Variants in BST1 observed in about 807,000 individuals in gnomAD.
The protein encoded by BST1 is ADP-ribosyl cyclase/cyclic ADP-ribose hydrolase 2.
Under a neutral mutation model 40.6 loss-of-function variants are expected in BST1, and 49 were observed. The observed-to-expected ratio is 1.21, with a 90% CI of 0.96 to 1.53. The LOEUF (loss-of-function observed/expected upper bound fraction) is 1.53, where lower values mean the gene tolerates loss of function less well. Among genes scored for constraint, BST1 ranks in the 40% most tolerant of loss-of-function variants. The pLI, the probability that BST1 is intolerant of heterozygous loss-of-function variation, is 0.00. For synonymous variants in BST1, 157 were observed against 159.3 expected (o/e 0.99, Z 0.11); for missense variants, 423 against 395.9 (o/e 1.07, Z -0.58).
At chr4:15,754,625 A>T in the BST1 span, among the ~76,000 whole-genome samples, 428 of 152,344 alleles carry the variant, frequency 2.8e-3, 4 homozygotes, top group African/African-American at 9.8e-3. Context: ...CAACTGATGA[A>T]GTATTTGATA....
At chr4:15,751,527 T>C in the BST1 span, among the ~76,000 whole-genome samples, 2 of 152,282 alleles carry the variant, frequency 1.3e-5, no homozygotes, top group African/African-American at 2.4e-5. Flanking sequence ...GCTGGGAAGA[T>C]TCAATACTCT....
At chr4:15,748,920 GCAGTAATTGAAATGCCACAGCACAC>G in the BST1 span, among the ~76,000 whole-genome samples, 1 of 152,196 alleles carries the variant, frequency 6.6e-6, no homozygotes, top group East Asian at 1.9e-4. Flanking sequence ...TGCAAGAGTC[GCAGTAATTGAAATGCCACAGCACAC>G]CAGAGGAAGG....
At chr4:15,720,759 C>G (rs1352035117) in intron 7 of BST1, among the ~76,000 whole-genome samples, 3 of 152,020 alleles carry the variant, frequency 2.0e-5, no homozygotes, top group African/African-American at 7.2e-5. Flanking sequence ...CCACTGCACT[C>G]TAGCCTGGGT....
intron 2 of BST1, among the ~76,000 whole-genome samples, chr4:15,705,874 A>G (rs1168797728): frequency 1.3e-5 from 2 of 152,240 alleles, no homozygotes; most frequent in Non-Finnish European, 2.9e-5. Flanking sequence ...TTTACAAAGA[A>G]AAGAGGTTTA....
intron 4 of BST1, among the ~76,000 whole-genome samples, chr4:15,713,668 A>T (rs1328986987): frequency 6.6e-6 from 1 of 152,128 alleles, no homozygotes; most frequent in East Asian, 1.9e-4. Context: ...CCACGACGTT[A>T]TACAGCCTTA....
rs1560289602 is a variant in BST1, at chr4:15,732,684, T to C, written c.*839T>C. ...GTAATATTTACATATTTACTGAAAC[T>C]GTTTGGAACTTGTATTAGTTTGTTC... On this transcript the variant is annotated 3_prime_UTR_variant, in exon 9 of 9. Transcript: ENST00000265016. 1 of 152,222 alleles carries C rather than the reference T, an allele frequency of 6.6e-6. No individual in the cohort carries two copies. The highest frequency in any genetic ancestry group is 1.5e-5 in the Non-Finnish European group (1 of 68,042). The allele number at this position is 152,222 out of a possible 1,614,324, so 9.4% of individuals were successfully genotyped here.
At chr4:15,761,075 G>A in the BST1 span, among the ~76,000 whole-genome samples, 12 of 151,456 alleles carry the variant, frequency 7.9e-5, no homozygotes, top group Admixed American at 2.0e-4. Flanking sequence ...ACAGAGTTTC[G>A]CTCTTGTTGC....
the BST1 span, among the ~76,000 whole-genome samples, chr4:15,751,490 G>A: frequency 6.6e-6 from 1 of 152,044 alleles, no homozygotes; most frequent in African/African-American, 2.4e-5. Context: ...TCAAAAGAAA[G>A]GTAGCATTGG....
chr4:15,735,383 C>G (rs759453313), downstream of BST1, among the ~76,000 whole-genome samples: 33 of 152,098 alleles, frequency 2.2e-4, no homozygotes, highest in Admixed American at 1.7e-3. Flanking sequence ...AGACCTTCCA[C>G]GTGTGAATGA....
At chr4:15,731,718 C>T in intron 8 of BST1, 22 bp from the exon 9 acceptor site, 1 of 1,602,470 alleles carries the variant, frequency 6.2e-7, no homozygotes, top group South Asian at 1.1e-5. Flanking sequence ...GACACTTTCT[C>T]TATTTCCTTG....
intron 4 of BST1, among the ~76,000 whole-genome samples, chr4:15,712,337 A>T (rs1291227262): frequency 2.0e-5 from 3 of 152,206 alleles, no homozygotes; most frequent in East Asian, 1.9e-4. Flanking sequence ...TAAGCTGGAG[A>T]CACAGAAATG....
rs1721396876 is a variant in BST1, at chr4:15,732,020, A to G, written c.*175A>G. 2 of 1,321,070 alleles carry G rather than the reference A, an allele frequency of 1.5e-6. No homozygotes were observed. The highest frequency in any genetic ancestry group is 1.9e-6 in the Non-Finnish European group (2 of 1,034,508). 81.8% of individuals were successfully genotyped at this position (1,321,070 alleles called of 1,614,324 possible). ...ATATGTTCAGGATTTCAGAAACAAG[A>G]AGTTAGTTCTATTTAGCAGGTTAAA... On this transcript the variant is annotated 3_prime_UTR_variant, in exon 9 of 9. Transcript: ENST00000265016.
intron 8 of BST1, among the ~76,000 whole-genome samples, chr4:15,724,359 T>C (rs74531664): frequency 8.5e-5 from 13 of 152,334 alleles, no homozygotes; most frequent in Non-Finnish European, 1.3e-4. Flanking sequence ...GTGCACTACA[T>C]AAAATAGTAT....
At chr4:15,711,759 A>C in intron 3 of BST1, 48 bp from the exon 4 acceptor site, 1 of 1,416,290 alleles carries the variant, frequency 7.1e-7, no homozygotes, top group Non-Finnish European at 1.0e-6. Context: ...TTCTTCTCTG[A>C]GATAGATAAT....
chr4:15,710,759 A>G (rs988093590), intron 3 of BST1, among the ~76,000 whole-genome samples: 2 of 151,946 alleles, frequency 1.3e-5, no homozygotes, highest in South Asian at 2.1e-4. Flanking sequence ...AAATGGCTCA[A>G]TAGTATTGCA....
chr4:15,766,975 G>C, the BST1 span, among the ~76,000 whole-genome samples: 7 of 151,786 alleles, frequency 4.6e-5, no homozygotes, highest in African/African-American at 1.7e-4. Context: ...GCCGTTGCCA[G>C]CATGCCCAAG....
the BST1 span, among the ~76,000 whole-genome samples, chr4:15,756,129 A>G: frequency 6.6e-6 from 1 of 152,234 alleles, no homozygotes; most frequent in Non-Finnish European, 1.5e-5. Flanking sequence ...ACACACCACC[A>G]TGAACAACAA....
chr4:15,731,013 G>T (rs183394115), intron 8 of BST1: 5 of 610,064 alleles, frequency 8.2e-6, no homozygotes, highest in East Asian at 1.0e-4. Context: ...ATAAGGCCCG[G>T]ACATTCTGCC....
At chr4:15,722,969 A>G (rs1560284987) in intron 8 of BST1, 35 bp downstream of exon 8, 1 of 1,587,462 alleles carries the variant, frequency 6.3e-7, no homozygotes, top group East Asian at 2.2e-5. Context: ...CGTTCTTTCC[A>G]AAGATAACCA....
Sources: gnomAD v4.1 joint callset for allele counts (sites outside exome capture counted in the v4.1 genomes callset) on GRCh38, gnomAD v4.1.1 for gene constraint, MANE v1.5 for transcripts, NCBI Gene and HGNC (gene_info 2026-07-23, HGNC 2026-07-21) for gene names.